MICAL3: variants seen among roughly 807,000 people sequenced by gnomAD.
The protein encoded by MICAL3 is [F-actin]-monooxygenase MICAL3.
In MICAL3, 62 loss-of-function variants were observed where a neutral mutation model predicts 207.4. The observed-to-expected ratio is 0.30, with a 90% confidence interval of 0.24 to 0.37. The LOEUF is 0.37. Among genes scored for constraint, MICAL3 ranks in the 10% least tolerant of loss-of-function variants. The pLI, the probability that MICAL3 is intolerant of heterozygous loss-of-function variation, is 1.00. For missense variants in MICAL3, 2,368 were observed against 2,635.6 expected (o/e 0.90, Z 2.22); for synonymous variants, 1,077 against 1,069.3 (o/e 1.01, Z -0.14).
chr22:17,978,609 G>A (rs755425893), intron 1 of MICAL3, among the ~76,000 whole-genome samples: 37 of 151,760 alleles, frequency 2.4e-4, no homozygotes, highest in Non-Finnish European at 4.4e-5. Flanking sequence ...CGTCTCCCAG[G>A]TTCAAACAAT....
At chr22:18,001,822 A>G (rs1474565047) in intron 1 of MICAL3, among the ~76,000 whole-genome samples, 1 of 152,266 alleles carries the variant, frequency 6.6e-6, no homozygotes, top group East Asian at 1.9e-4. Context: ...GGAAGGGGCG[A>G]GAAGCCACAT....
chr22:17,871,953 A>G lies in MICAL3; in HGVS notation c.2312T>C (p.Val771Ala), dbSNP rs777754083. The change falls in exon 17 of 32, where the codon GTC (valine) becomes GCC (alanine). Residue 771 changes from valine to alanine, a missense_variant. Physicochemically the swap from Val to Ala is moderately conservative, Grantham distance 64. Coordinates refer to ENST00000441493, the MANE Select transcript of MICAL3 (RefSeq NM_015241.3). ...GGCACTCAGCCTCTCCATCACGTAG[A>G]CCCGCTTCTGGCAGAAGTAGCATGT... is the stretch of plus-strand genomic sequence containing the variant. ...SDTCYFCQKR[V>A]YVMERLSAEG... 1 of 1,611,100 alleles carries G rather than the reference A, an allele frequency of 6.2e-7. No individual in the cohort carries two copies. Among genetic ancestry groups the G allele is most frequent in the Admixed American group, 1.7e-5 (1 of 59,646 alleles).
intron 1 of MICAL3, among the ~76,000 whole-genome samples, chr22:17,949,676 C>CA (rs1449569417): frequency 6.6e-6 from 1 of 152,224 alleles, no homozygotes. Context: ...CAGTCAATCT[C>CA]AAATACCGTA....
At chr22:17,984,013 G>C (rs13057016) in intron 1 of MICAL3, among the ~76,000 whole-genome samples, 1 of 152,076 alleles carries the variant, frequency 6.6e-6, no homozygotes, top group African/African-American at 2.4e-5. Context: ...ATAGGAACTC[G>C]TGTACTATTC....
intron 1 of MICAL3, among the ~76,000 whole-genome samples, chr22:17,964,498 G>A (rs1294602205): frequency 5.3e-5 from 8 of 152,194 alleles, no homozygotes; most frequent in Non-Finnish European, 5.9e-5. Flanking sequence ...ATGTATCACT[G>A]ACCAACCCTA....
rs761845499 is a variant in MICAL3, at chr22:17,818,219, G to A, written c.4442C>T (p.Pro1481Leu). 3 of 1,544,994 alleles carry A rather than the reference G, an allele frequency of 1.9e-6. No homozygotes were observed. Among genetic ancestry groups the A allele is most frequent in the Non-Finnish European group, 1.7e-6 (2 of 1,151,722 alleles). The change falls in exon 26 of 32, where the codon CCC (proline) becomes CTC (leucine). Residue 1481 changes from proline (P) to leucine (L), a missense_variant. This residue lies in a region of MICAL3 where 1,770 missense variants were observed against 1,863.2 expected (regional missense o/e 0.95). Coordinates refer to ENST00000441493, the MANE Select transcript of MICAL3 (RefSeq NM_015241.3). ...GGGCGGCGGGACCACCGAGGCATTG[G>A]GCTCGGCCTCCCTGAGCTTCCTCCG... ...TLRRKLREAE[P>L]NASVVPPPLP... is the part of the protein sequence containing the mutation.
intron 15 of MICAL3, among the ~76,000 whole-genome samples, chr22:17,886,482 C>G (rs1929880468): frequency 6.6e-6 from 1 of 152,140 alleles, no homozygotes; most frequent in Non-Finnish European, 1.5e-5. Flanking sequence ...GCCTGGACAA[C>G]ACGGTAAAAC....
chr22:17,971,208 C>T (rs887104069), intron 1 of MICAL3, among the ~76,000 whole-genome samples: 1 of 151,940 alleles, frequency 6.6e-6, no homozygotes, highest in African/African-American at 2.4e-5. Context: ...GCGCTCATGC[C>T]TTCAATCCCA....
Position 17,791,319 on chromosome 22 carries a change from G to A in MICAL3, c.5651-18C>T, listed in dbSNP as rs562302395. The stretch of plus-strand genomic sequence containing the variant: ...GCCCATGCCTGCCGAGAGAACGCTT[G>A]TGTCGGGTGCAGGGAGTGCCGCGCC... On this transcript the variant is annotated intron_variant, in intron 29 of 31. Transcript: ENST00000441493. 3 of 1,606,716 alleles carry A rather than the reference G, an allele frequency of 1.9e-6. No homozygotes were observed. Among genetic ancestry groups the A allele is most frequent in the Non-Finnish European group, 2.6e-6 (3 of 1,175,166 alleles).
At chr22:17,878,322 C>A (rs1422616898) in intron 16 of MICAL3, among the ~76,000 whole-genome samples, 1 of 152,178 alleles carries the variant, frequency 6.6e-6, no homozygotes, top group Non-Finnish European at 1.5e-5. Context: ...GCACACAGCG[C>A]CGTGGGAGAG....
intron 21 of MICAL3, among the ~76,000 whole-genome samples, chr22:17,829,307 C>T (rs1384855163): frequency 6.6e-6 from 1 of 152,132 alleles, no homozygotes; most frequent in Non-Finnish European, 1.5e-5. Context: ...GCTGGGATTA[C>T]AGGCATGTGC....
At chr22:17,930,345 G>C (rs1049919565) in intron 1 of MICAL3, among the ~76,000 whole-genome samples, 19 of 152,218 alleles carry the variant, frequency 1.2e-4, no homozygotes, top group African/African-American at 4.6e-4. Context: ...TTAGCCAAAA[G>C]ACAAGTAAAA....
rs1931197711 is a variant in MICAL3, at chr22:17,900,145, C to T, written c.848-597G>A. ...TTGCCTTCAAGCCTGAGCTGGAACT[C>T]AGGAAGAAGACTACATACTTAAAAG... is the stretch of plus-strand genomic sequence containing the variant. On this transcript the variant is annotated intron_variant, in intron 6 of 31. Coordinates refer to ENST00000441493, the MANE Select transcript of MICAL3 (RefSeq NM_015241.3). The surrounding 1 kb of genome is among the most constrained non-coding windows in gnomAD (Gnocchi z 4.0). Among the ~76,000 whole-genome samples the T allele has an allele frequency of 6.6e-6, 1 of 152,186 alleles. No homozygotes were observed.
chr22:17,922,855 C>T (rs1217057573), intron 1 of MICAL3, among the ~76,000 whole-genome samples: 1 of 152,174 alleles, frequency 6.6e-6, no homozygotes, highest in East Asian at 1.9e-4. Flanking sequence ...CAACTATTTT[C>T]ATGGAGAAAA....
At position 17,986,331 on chromosome 22, in the gene MICAL3, C is replaced by A. The variant is rs1602352546; in HGVS notation, c.-75+37950G>T. ...AGGTCAGGAGTTCGAGACCAGCCTG[C>A]CAACATGGTGAAACCCTGTCTCTAT... On this transcript the variant is annotated intron_variant, in intron 1 of 31. Coordinates refer to ENST00000441493, the MANE Select transcript of MICAL3 (RefSeq NM_015241.3). Among the ~76,000 whole-genome samples, 4 of 152,266 alleles carry A rather than the reference C, an allele frequency of 2.6e-5. No homozygotes were observed. The South Asian group carries it at 8.3e-4, about 32-fold the overall frequency.
At chr22:17,908,936 G>A (rs1182073039) in intron 1 of MICAL3, among the ~76,000 whole-genome samples, 2 of 152,166 alleles carry the variant, frequency 1.3e-5, no homozygotes, top group Non-Finnish European at 2.9e-5. Context: ...CTCTTACTTT[G>A]GGTAAGCACA....
intron 19 of MICAL3, chr22:17,864,452 C>A (rs1569101460): frequency 7.0e-7 from 1 of 1,420,862 alleles, no homozygotes; most frequent in African/African-American, 1.4e-5. Flanking sequence ...AACACAGCTC[C>A]AGGCCGTCAG....
At chr22:17,864,202 T>A in intron 19 of MICAL3, 1 of 995,956 alleles carries the variant, frequency 1.0e-6, no homozygotes, top group East Asian at 1.1e-4. Context: ...TAAATGTGTT[T>A]GTAGAGGTAG....
chr22:18,000,247 GAA>G (rs34270568), intron 1 of MICAL3, among the ~76,000 whole-genome samples: 2,053 of 39,996 alleles, frequency 0.051, 44 homozygotes, highest in African/African-American at 0.15. Flanking sequence ...AGCTTAGGGG[GAA>G]AAAAAAAAAA....
Sources: gnomAD v4.1 joint callset for allele counts (sites outside exome capture counted in the v4.1 genomes callset) on GRCh38, gnomAD v4.1.1 for gene constraint, gnomAD v4.1.1 regional missense constraint, Gnocchi (gnomAD v3.1) non-coding constraint, MANE v1.5 for transcripts, NCBI Gene and HGNC (gene_info 2026-07-23, HGNC 2026-07-21) for gene names.